The following DPP10 variants were observed in gnomAD, a reference collection of about 807,000 sequenced individuals.
The protein encoded by DPP10 is dipeptidyl peptidase like 10, also known as inactive dipeptidyl peptidase 10.
DPP10 carries 33 observed loss-of-function variants against 120.9 expected under a neutral mutation model. The observed-to-expected ratio is 0.27, with a 90% CI of 0.21 to 0.37. DPP10 has a LOEUF of 0.37. DPP10 is among the 10% of genes least tolerant of loss of function. The pLI is 1.00. For missense variants in DPP10, 816 were observed against 942.8 expected (o/e 0.87, Z 1.76); for synonymous variants, 337 against 326.1 (o/e 1.03, Z -0.36).
intron 5 of DPP10, among the ~76,000 whole-genome samples, chr2:115,555,780 T>G (rs910648553): frequency 1.3e-5 from 2 of 152,122 alleles, no homozygotes; most frequent in African/African-American, 4.8e-5. Context: ...ATCCTTGACC[T>G]TTTTTACCTT....
intron 1 of DPP10, among the ~76,000 whole-genome samples, chr2:114,676,349 C>T (rs1698670311): frequency 6.6e-6 from 1 of 152,094 alleles, no homozygotes; most frequent in African/African-American, 2.4e-5. Flanking sequence ...TGCCTATTTT[C>T]AACTCTCCAT....
At chr2:115,714,793 G>T (rs182198872) in intron 7 of DPP10, among the ~76,000 whole-genome samples, 2 of 152,284 alleles carry the variant, frequency 1.3e-5, no homozygotes, top group Non-Finnish European at 2.9e-5. Context: ...ACCTTGGGAG[G>T]CCAAGGCAGG....
chr2:115,141,837 A>G lies in DPP10; in HGVS notation c.61-167402A>G, dbSNP rs571031326. 6.6e-5 allele frequency among the ~76,000 whole-genome samples: 10 copies of G among 152,144 alleles called. No homozygotes were observed. In the South Asian group the frequency reaches 2.1e-3, roughly 32 times the overall value. ...CACCCAGGCTGGAGTGCAGTGGCTC[A>G]ACGTCAGCTCACTGCAACATCCACC... On this transcript the variant is annotated intron_variant, in intron 1 of 25. Transcript: ENST00000410059.
intron 19 of DPP10, among the ~76,000 whole-genome samples, chr2:115,804,077 G>A (rs544722021): frequency 3.9e-4 from 60 of 152,210 alleles, no homozygotes; most frequent in Middle Eastern, 3.4e-3. Context: ...CCAATCAGAC[G>A]TAGATTTGGT....
intron 13 of DPP10, among the ~76,000 whole-genome samples, chr2:115,772,299 A>G (rs1681573402): frequency 6.6e-6 from 1 of 152,150 alleles, no homozygotes; most frequent in African/African-American, 2.4e-5. Flanking sequence ...AATTTGTTGT[A>G]ATGATAGATG....
intron 5 of DPP10, among the ~76,000 whole-genome samples, chr2:115,539,879 A>T (rs2079078208): frequency 6.6e-6 from 1 of 151,942 alleles, no homozygotes; most frequent in South Asian, 2.1e-4. Flanking sequence ...ATATTTGCTA[A>T]TATTTTCTAA....
intron 10 of DPP10, among the ~76,000 whole-genome samples, chr2:115,747,218 T>G (rs1678094352): frequency 6.6e-6 from 1 of 152,268 alleles, no homozygotes; most frequent in Middle Eastern, 3.4e-3. Context: ...TCAGGACTCA[T>G]TGATAAGAAA....
In DPP10 at chr2:114,868,150, A is replaced by C. The variant is rs115456703; in HGVS notation, c.60+425312A>C. Among the ~76,000 whole-genome samples, 549 of 152,282 alleles carry C rather than the reference A, an allele frequency of 3.6e-3. 1 individual carries two copies. The highest frequency in any genetic ancestry group is 0.013 in the African/African-American group (538 of 41,560). On this transcript the variant is annotated intron_variant, in intron 1 of 25. Transcript: ENST00000410059. ...GTGCATCATTATGATTTGAATACTTAAGACCCTCAAGATAGCACAACCTGA... is the reference window on the plus strand; with the variant it reads ...GTGCATCATTATGATTTGAATACTTCAGACCCTCAAGATAGCACAACCTGA...
intron 4 of DPP10, among the ~76,000 whole-genome samples, chr2:115,501,481 T>C (rs752800243): frequency 3.9e-5 from 6 of 152,074 alleles, no homozygotes; most frequent in Non-Finnish European, 8.8e-5. Flanking sequence ...CCTTTTGAGG[T>C]CTCTTTCTAT....
At chr2:115,734,931 C>T (rs2093000107) in intron 8 of DPP10, among the ~76,000 whole-genome samples, 1 of 152,082 alleles carries the variant, frequency 6.6e-6, no homozygotes, top group African/African-American at 2.4e-5. Context: ...ACAACCGTGG[C>T]TTGTAATGAT....
chr2:114,686,560 C>G (rs1699382564), intron 1 of DPP10, among the ~76,000 whole-genome samples: 1 of 151,806 alleles, frequency 6.6e-6, no homozygotes, highest in Non-Finnish European at 1.5e-5. Flanking sequence ...TCCATGGCTC[C>G]AAGAGATACC....
chr2:115,384,429 G>GAGA (rs1019032054), intron 3 of DPP10, among the ~76,000 whole-genome samples: 1 of 124,162 alleles, frequency 8.1e-6, no homozygotes, highest in African/African-American at 2.6e-5. Context: ...GAAGAAGAAG[G>GAGA]AGAAGAAGAA....
intron 1 of DPP10, among the ~76,000 whole-genome samples, chr2:115,015,649 A>C (rs1004847271): frequency 6.6e-6 from 1 of 152,090 alleles, no homozygotes; most frequent in African/African-American, 2.4e-5. Flanking sequence ...CAACTTCAGC[A>C]GTCTCAAAAT....
intron 12 of DPP10, among the ~76,000 whole-genome samples, chr2:115,763,373 C>T (rs938552773): frequency 2.0e-5 from 3 of 152,102 alleles, no homozygotes; most frequent in Non-Finnish European, 2.9e-5. Flanking sequence ...TTGCCATCTC[C>T]TCCTAAATCT....
At chr2:115,722,443 T>A (rs2092670934) in intron 7 of DPP10, among the ~76,000 whole-genome samples, 1 of 151,902 alleles carries the variant, frequency 6.6e-6, no homozygotes, top group South Asian at 2.1e-4. Flanking sequence ...GGGGATATGT[T>A]CTGAGAAACG....
At chr2:115,628,461 T>G (rs1324896959) in intron 5 of DPP10, among the ~76,000 whole-genome samples, 1 of 152,210 alleles carries the variant, frequency 6.6e-6, no homozygotes, top group East Asian at 1.9e-4. Flanking sequence ...TCTCCCATTC[T>G]GTAGGTTGTC....
chr2:114,655,202 A>T (rs1243135975), intron 1 of DPP10, among the ~76,000 whole-genome samples: 1 of 152,214 alleles, frequency 6.6e-6, no homozygotes, highest in East Asian at 1.9e-4. Flanking sequence ...TTCTTTAAAA[A>T]GTGCTATTAC....
intron 1 of DPP10, among the ~76,000 whole-genome samples, chr2:114,855,781 CG>C (rs1015260039): frequency 2.0e-5 from 3 of 151,996 alleles, no homozygotes; most frequent in African/African-American, 7.2e-5. Flanking sequence ...TAGGGCTTTG[CG>C]GGGGAGGTCA....
At chr2:114,816,365 G>A (rs1357069283) in intron 1 of DPP10, among the ~76,000 whole-genome samples, 2 of 152,134 alleles carry the variant, frequency 1.3e-5, no homozygotes, top group East Asian at 1.9e-4. Flanking sequence ...AAATGAGCAG[G>A]CCTCTGTTTC....
Sources: gnomAD v4.1 joint callset for allele counts (sites outside exome capture counted in the v4.1 genomes callset) on GRCh38, gnomAD v4.1.1 for gene constraint, MANE v1.5 for transcripts, NCBI Gene and HGNC (gene_info 2026-07-23, HGNC 2026-07-21) for gene names.